NTRK2: variants seen among roughly 807,000 people sequenced by gnomAD.
NTRK2 encodes BDNF/NT-3 growth factors receptor.
NTRK2 carries 13 observed loss-of-function variants against 94.5 expected under a neutral mutation model. The ratio of observed to expected loss-of-function variants is 0.14; its 90% CI spans 0.09 to 0.22. The LOEUF (loss-of-function observed/expected upper bound fraction) is 0.22, where lower values mean the gene tolerates loss of function less well. NTRK2 is among the 10% of genes least tolerant of loss of function. The pLI is 1.00. For synonymous variants in NTRK2, 372 were observed against 407.4 expected (o/e 0.91, Z 1.05); for missense variants, 639 against 1,071.2 (o/e 0.60, Z 5.63).
intron 12 of NTRK2, among the ~76,000 whole-genome samples, chr9:84,775,897 C>G: frequency 6.6e-6 from 1 of 152,180 alleles, no homozygotes; most frequent in East Asian, 1.9e-4. Context: ...TTTATATGCT[C>G]TTTAAAATTT....
intron 17 of NTRK2, among the ~76,000 whole-genome samples, chr9:84,988,445 AACAC>A (rs1001145263): frequency 6.8e-6 from 1 of 146,366 alleles, no homozygotes; most frequent in Non-Finnish European, 1.5e-5. Flanking sequence ...CTTTCACACA[AACAC>A]ACACACACTC....
chr9:85,026,160 A>G lies in NTRK2; in HGVS notation c.*4723A>G, dbSNP rs1183585838. On this transcript the variant is annotated 3_prime_UTR_variant, in exon 19 of 19. Transcript: ENST00000277120. Reference sequence around the variant, plus strand: ...AAAAAATATATATATATATATCTGTATATGTGTTGTAGGCAAAACACTGTG... The same window carrying G: ...AAAAAATATATATATATATATCTGTGTATGTGTTGTAGGCAAAACACTGTG... 1.8e-5 allele frequency: 4 copies of G among 223,738 alleles called. No homozygotes were observed. In the East Asian group the frequency reaches 1.9e-4, roughly 11 times the overall value. 13.9% of individuals were successfully genotyped at this position (223,738 alleles called of 1,614,324 possible). A position where few individuals can be genotyped will look rare whatever the true frequency, so the allele number is the denominator to read the frequency against.
chr9:84,977,059 A>T (rs1455688309), intron 17 of NTRK2, among the ~76,000 whole-genome samples: 1 of 152,264 alleles, frequency 6.6e-6, no homozygotes, highest in African/African-American at 2.4e-5. Flanking sequence ...GCATTAGCAA[A>T]TACTGAATCA....
At chr9:84,873,080 G>C (rs551126144) in intron 14 of NTRK2, 2 of 1,064,316 alleles carry the variant, frequency 1.9e-6, no homozygotes, top group East Asian at 5.0e-5. Flanking sequence ...GGGCCCCTCA[G>C]AGTTACCAGA....
At chr9:84,951,347 AAAGG>A (rs1368683646) in intron 16 of NTRK2, among the ~76,000 whole-genome samples, 1 of 152,216 alleles carries the variant, frequency 6.6e-6, no homozygotes, top group Non-Finnish European at 1.5e-5. Context: ...CTCTAACATG[AAAGG>A]AAGAAAAAAG....
At chr9:84,973,595 C>G (rs952146258) in intron 17 of NTRK2, among the ~76,000 whole-genome samples, 1 of 152,174 alleles carries the variant, frequency 6.6e-6, no homozygotes, top group Non-Finnish European at 1.5e-5. Flanking sequence ...AGATCAACCA[C>G]CTGTGGTTAC....
chr9:84,757,602 G>A (rs568903340), intron 12 of NTRK2, among the ~76,000 whole-genome samples: 45 of 152,208 alleles, frequency 3.0e-4, no homozygotes, highest in African/African-American at 1.0e-3. Context: ...CGGTATTTCC[G>A]TCTGTAATGG....
chr9:84,997,651 G>A (rs565979003), intron 17 of NTRK2, among the ~76,000 whole-genome samples: 2 of 152,292 alleles, frequency 1.3e-5, no homozygotes, highest in South Asian at 4.2e-4. Context: ...TGGGAGCTGA[G>A]TGGTCAGCAG....
chr9:84,754,216 A>T (rs184816143), intron 12 of NTRK2, among the ~76,000 whole-genome samples: 69 of 152,328 alleles, frequency 4.5e-4, no homozygotes, highest in Admixed American at 2.5e-3. Context: ...GGCTTCCTAC[A>T]GCAGTAACTA....
At chr9:84,811,758 G>A (rs376611213) in intron 12 of NTRK2, 1 of 1,065,408 alleles carries the variant, frequency 9.4e-7, no homozygotes, top group Non-Finnish European at 1.1e-6. Context: ...TGCTGAGAGG[G>A]CAGCCTTAGA....
intron 12 of NTRK2, among the ~76,000 whole-genome samples, chr9:84,774,383 T>C (rs1262166813): frequency 6.6e-6 from 1 of 152,226 alleles, no homozygotes; most frequent in East Asian, 1.9e-4. Context: ...GGGGTCTCCA[T>C]GTCTGGCACT....
intron 14 of NTRK2, among the ~76,000 whole-genome samples, chr9:84,897,777 C>G (rs1017613651): frequency 1.4e-4 from 22 of 152,224 alleles, no homozygotes; most frequent in African/African-American, 5.1e-4. Context: ...TCATTACTCA[C>G]TTTGGCCGGA....
Position 84,879,656 on chromosome 9 carries a change from G to T in NTRK2, c.1633+12225G>T, listed in dbSNP as rs78722242. On this transcript the variant is annotated intron_variant, in intron 14 of 18. Coordinates refer to ENST00000277120, the MANE Select transcript of NTRK2 (RefSeq NM_006180.6). The stretch of plus-strand genomic sequence containing the variant: ...ATGCAAATTCCATCCTGAACAAGGG[G>T]TTGTTATTGAAGCCCAGGTGGATGT... Among the ~76,000 whole-genome samples, 760 of 152,338 alleles carry T rather than the reference G, an allele frequency of 5.0e-3. 4 individuals are homozygous for T. The highest frequency in any genetic ancestry group is 0.017 in the African/African-American group (724 of 41,580).
intron 17 of NTRK2, among the ~76,000 whole-genome samples, chr9:84,990,333 A>G (rs982996325): frequency 6.6e-6 from 1 of 152,210 alleles, no homozygotes; most frequent in Non-Finnish European, 1.5e-5. Flanking sequence ...CATCAGAGGA[A>G]AAAAGGTGAA....
intron 12 of NTRK2, among the ~76,000 whole-genome samples, chr9:84,851,186 G>A (rs2074749460): frequency 6.6e-6 from 1 of 152,088 alleles, no homozygotes; most frequent in South Asian, 2.1e-4. Flanking sequence ...CCCCTGGGAG[G>A]CAAAAATCGC....
At chr9:84,939,336 T>C (rs1357965972) in intron 15 of NTRK2, among the ~76,000 whole-genome samples, 1 of 152,150 alleles carries the variant, frequency 6.6e-6, no homozygotes, top group South Asian at 2.1e-4. Context: ...AAATGACCTA[T>C]CTAAGGTCAC....
intron 12 of NTRK2, among the ~76,000 whole-genome samples, chr9:84,849,163 C>T (rs984507511): frequency 3.3e-5 from 5 of 152,126 alleles, no homozygotes; most frequent in Non-Finnish European, 5.9e-5. Context: ...GATGATTTCT[C>T]CTCCTGCTGC....
chr9:84,797,930 T>C (rs2069812283), intron 12 of NTRK2, among the ~76,000 whole-genome samples: 1 of 135,966 alleles, frequency 7.4e-6, no homozygotes, highest in Non-Finnish European at 1.5e-5. Context: ...TAATATTTAC[T>C]ATTAGTAAAA....
intron 6 of NTRK2, among the ~76,000 whole-genome samples, chr9:84,718,260 C>T (rs933479936): frequency 6.6e-6 from 1 of 152,110 alleles, no homozygotes; most frequent in Non-Finnish European, 1.5e-5. Flanking sequence ...CCTGTCCTTC[C>T]AAGTGTGTTC....
Sources: allele counts gnomAD v4.1 joint callset (sites outside exome capture counted in the v4.1 genomes callset), GRCh38; gene constraint gnomAD v4.1.1; transcripts MANE v1.5; gene names NCBI Gene and HGNC (gene_info 2026-07-23, HGNC 2026-07-21).